MECOM: variants seen among roughly 807,000 people sequenced by gnomAD.
MECOM encodes the protein MDS1 and EVI1 complex locus.
Under a neutral mutation model 116.3 loss-of-function variants are expected in MECOM, and 13 were observed. That is an observed-to-expected ratio of 0.11 (90% CI 0.07 to 0.18). The LOEUF is 0.18. Ranked by LOEUF, MECOM falls within the 10% of genes least tolerant of loss-of-function variation. MECOM has a pLI of 1.00. For synonymous variants in MECOM, 528 were observed against 535.2 expected (o/e 0.99, Z 0.19); for missense variants, 1,299 against 1,509.0 (o/e 0.86, Z 2.31).
At chr3:169,334,169 G>A (rs1723205299) in intron 2 of MECOM, among the ~76,000 whole-genome samples, 1 of 152,066 alleles carries the variant, frequency 6.6e-6, no homozygotes, top group Non-Finnish European at 1.5e-5. Flanking sequence ...AATATATCCA[G>A]TCAATTTGCA....
At chr3:169,361,876 T>C (rs964827519) in intron 2 of MECOM, among the ~76,000 whole-genome samples, 1 of 151,882 alleles carries the variant, frequency 6.6e-6, no homozygotes, top group African/African-American at 2.4e-5. Flanking sequence ...TTCATACCTA[T>C]ATCTTTTCAA....
chr3:169,360,139 T>G (rs756892645), intron 2 of MECOM, among the ~76,000 whole-genome samples: 4 of 151,516 alleles, frequency 2.6e-5, no homozygotes, highest in Non-Finnish European at 4.4e-5. Context: ...ATAATTCAAG[T>G]ATACCCCTTC....
chr3:169,269,168 C>T (rs960898008), intron 2 of MECOM: 4 of 151,806 alleles, frequency 2.6e-5, no homozygotes, highest in Non-Finnish European at 4.4e-5. Context: ...AGGTGGTCAG[C>T]CTGCCATTAT....
intron 1 of MECOM, among the ~76,000 whole-genome samples, chr3:169,465,248 T>A (rs1456108173): frequency 1.3e-5 from 2 of 152,218 alleles, no homozygotes; most frequent in Non-Finnish European, 2.9e-5. Context: ...TTGTCACTAA[T>A]TAGCCGTGTG....
At chr3:169,586,696 C>G (rs559147696) in intron 1 of MECOM, among the ~76,000 whole-genome samples, 2 of 152,350 alleles carry the variant, frequency 1.3e-5, no homozygotes, top group South Asian at 4.1e-4. Context: ...AGATTCTTCA[C>G]TTACCCAGAC....
At chr3:169,232,653 AT>A (rs1753541988) in intron 2 of MECOM, among the ~76,000 whole-genome samples, 1 of 151,862 alleles carries the variant, frequency 6.6e-6, no homozygotes, top group African/African-American at 2.4e-5. Flanking sequence ...AAATATATAT[AT>A]ATATATATGT....
intron 2 of MECOM, among the ~76,000 whole-genome samples, chr3:169,194,166 T>C (rs1333873023): frequency 1.1e-4 from 17 of 152,034 alleles, no homozygotes; most frequent in Non-Finnish European, 2.9e-5. Flanking sequence ...AATTTTCTGA[T>C]AAAGGACCAA....
At chr3:169,662,197 A>G (rs956957625) in intron 1 of MECOM, among the ~76,000 whole-genome samples, 1 of 152,164 alleles carries the variant, frequency 6.6e-6, no homozygotes, top group Non-Finnish European at 1.5e-5. Flanking sequence ...CAAACCCCTT[A>G]GCCCACATCC....
intron 1 of MECOM, among the ~76,000 whole-genome samples, chr3:169,400,593 T>C (rs140994441): frequency 6.6e-6 from 1 of 152,308 alleles, no homozygotes; most frequent in Non-Finnish European, 1.5e-5. Flanking sequence ...ATGGATTAAA[T>C]AGAGGTGAAA....
intron 1 of MECOM, among the ~76,000 whole-genome samples, chr3:169,426,827 AG>A (rs2108532162): frequency 6.6e-6 from 1 of 152,336 alleles, no homozygotes; most frequent in South Asian, 2.1e-4. Flanking sequence ...GCATCCAGTT[AG>A]TAACATAAGG....
chr3:169,588,538 A>G (rs193225754), intron 1 of MECOM, among the ~76,000 whole-genome samples: 3 of 152,324 alleles, frequency 2.0e-5, no homozygotes, highest in Admixed American at 2.0e-4. Context: ...AATAAAGTAC[A>G]TTCCTCATTT....
At chr3:169,304,534 G>A (rs3863101) in intron 2 of MECOM, among the ~76,000 whole-genome samples, 8,302 of 152,144 alleles carry the variant, frequency 0.055, 662 homozygotes, top group African/African-American at 0.17. Context: ...TAAGCTGCTG[G>A]ACCATTCAGA....
At chr3:169,231,100 T>C (rs1269940629) in intron 2 of MECOM, among the ~76,000 whole-genome samples, 1 of 152,158 alleles carries the variant, frequency 6.6e-6, no homozygotes, top group East Asian at 1.9e-4. Flanking sequence ...ATTCTGGATG[T>C]TATTGCATCT....
At chr3:169,344,351 CT>C (rs1231207820) in intron 2 of MECOM, among the ~76,000 whole-genome samples, 1 of 151,970 alleles carries the variant, frequency 6.6e-6, no homozygotes, top group East Asian at 1.9e-4. Context: ...AAATGTAAAC[CT>C]TCTCTATATT....
intron 1 of MECOM, among the ~76,000 whole-genome samples, chr3:169,422,036 C>A (rs1739855798): frequency 6.6e-6 from 1 of 152,046 alleles, no homozygotes; most frequent in Admixed American, 6.6e-5. Flanking sequence ...ATTTCATAAA[C>A]AAATAACAAT....
Position 169,221,776 on chromosome 3 carries a change from G to A in MECOM, c.376-77944C>T, listed in dbSNP as rs148713752. Among the ~76,000 whole-genome samples, 19 of 151,848 alleles carry A rather than the reference G, an allele frequency of 1.3e-4. No individual in the cohort carries two copies. The South Asian group carries it at 1.7e-3, about 13-fold the overall frequency. On this transcript the variant is annotated intron_variant, in intron 2 of 16. Coordinates refer to ENST00000651503, the MANE Select transcript of MECOM (RefSeq NM_004991.4). ...TTGCATTCATTTATTCATTATCTACGTATCCACTTCATTCACTCGTTTATG... is the reference window on the plus strand; with the variant it reads ...TTGCATTCATTTATTCATTATCTACATATCCACTTCATTCACTCGTTTATG...
At chr3:169,537,054 C>G (rs1217574120) in intron 1 of MECOM, among the ~76,000 whole-genome samples, 1 of 152,202 alleles carries the variant, frequency 6.6e-6, no homozygotes, top group African/African-American at 2.4e-5. Context: ...TACACCCTCT[C>G]CACTGGATCT....
chr3:169,096,250 G>A (rs917849258), intron 12 of MECOM, among the ~76,000 whole-genome samples: 5 of 151,042 alleles, frequency 3.3e-5, no homozygotes, highest in African/African-American at 9.7e-5. Context: ...GAAAAAAAAA[G>A]TTAACTTTCT....
At chr3:169,388,325 C>T (rs1733713268) in intron 1 of MECOM, among the ~76,000 whole-genome samples, 1 of 152,114 alleles carries the variant, frequency 6.6e-6, no homozygotes, top group Non-Finnish European at 1.5e-5. Context: ...CAGAGGACTT[C>T]GGGAGCCAGC....
Sources: allele counts gnomAD v4.1 joint callset (sites outside exome capture counted in the v4.1 genomes callset), GRCh38; gene constraint gnomAD v4.1.1; transcripts MANE v1.5; gene names NCBI Gene and HGNC (gene_info 2026-07-23, HGNC 2026-07-21).